The following DPH6 variants were observed in gnomAD, a reference collection of about 807,000 sequenced individuals.
DPH6 encodes diphthamine biosynthesis 6.
DPH6 carries 33 observed loss-of-function variants against 38.2 expected under a neutral mutation model. The observed-to-expected ratio is 0.86, with a 90% CI of 0.65 to 1.15. The LOEUF (loss-of-function observed/expected upper bound fraction) is 1.15, where lower values mean the gene tolerates loss of function less well. Ranked by LOEUF, DPH6 falls within the 50% of genes most tolerant of loss-of-function variation. DPH6 has a pLI of 0.00. For synonymous variants in DPH6, 108 were observed against 103.0 expected (o/e 1.05, Z -0.30); for missense variants, 325 against 320.0 (o/e 1.02, Z -0.12).
At position 35,377,602 on chromosome 15, in the gene DPH6, G is replaced by T. The variant is rs112779128; in HGVS notation, c.663-3994C>A. Among the ~76,000 whole-genome samples, 517 of 152,144 alleles carry T rather than the reference G, an allele frequency of 3.4e-3. 2 individuals carry two copies. The highest frequency in any genetic ancestry group is 0.012 in the African/African-American group (478 of 41,524). On this transcript the variant is annotated intron_variant, in intron 7 of 8. Transcript: ENST00000256538. ...ATTATCCTTTTCTCTTAAAAGCTAGGCTATAATTCTTCTCAGGAGGGCTTC... is the reference window on the plus strand; with the variant it reads ...ATTATCCTTTTCTCTTAAAAGCTAGTCTATAATTCTTCTCAGGAGGGCTTC...
At chr15:35,308,011 C>T (rs941000675) in intron 3 of DPH6, among the ~76,000 whole-genome samples, 5 of 152,154 alleles carry the variant, frequency 3.3e-5, no homozygotes, top group East Asian at 1.9e-4. Flanking sequence ...GTGGCTCACA[C>T]CTGTAATCCC....
chr15:35,446,754 G>A (rs1015756985), intron 5 of DPH6, among the ~76,000 whole-genome samples: 1 of 152,050 alleles, frequency 6.6e-6, no homozygotes, highest in Non-Finnish European at 1.5e-5. Context: ...TAGTTCAAGG[G>A]ACAACTGGAT....
intron 3 of DPH6, among the ~76,000 whole-genome samples, chr15:35,525,683 T>C (rs1445545337): frequency 6.6e-6 from 1 of 151,800 alleles, no homozygotes; most frequent in Non-Finnish European, 1.5e-5. Context: ...ACAAAAAAAA[T>C]ACAAAAATTA....
At chr15:35,195,440 G>T in the DPH6 span, among the ~76,000 whole-genome samples, 1 of 152,054 alleles carries the variant, frequency 6.6e-6, no homozygotes, top group Non-Finnish European at 1.5e-5. Flanking sequence ...CAAAACTTTG[G>T]GTGAAAAGAT....
rs756436280 is a variant in DPH6, at chr15:35,372,144, C to T, written c.*6G>A. 6.6e-7 allele frequency: 1 copy of T among 1,517,388 alleles called. No individual in the cohort carries two copies. Among genetic ancestry groups the T allele is most frequent in the South Asian group, 1.3e-5 (1 of 75,700 alleles). The allele number at this position is 1,517,388 out of a possible 1,614,324, so 94.0% of individuals were successfully genotyped here. A position where few individuals can be genotyped will look rare whatever the true frequency, so the allele number is the denominator to read the frequency against. ...TGGTTTAATGAACAATGTTCCAAAACACTTTTCAAAAATTATATATATAAT... is the reference window on the plus strand; with the variant it reads ...TGGTTTAATGAACAATGTTCCAAAATACTTTTCAAAAATTATATATATAAT... On this transcript the variant is annotated 3_prime_UTR_variant, in exon 9 of 9. Transcript: ENST00000256538.
the DPH6 span, among the ~76,000 whole-genome samples, chr15:35,203,859 A>C: frequency 6.6e-6 from 1 of 151,722 alleles, no homozygotes; most frequent in African/African-American, 2.4e-5. Context: ...ATTTTTGTTA[A>C]TGTCAGCCAT....
chr15:35,444,067 A>T (rs1295705183), intron 5 of DPH6, among the ~76,000 whole-genome samples: 1 of 152,182 alleles, frequency 6.6e-6, no homozygotes, highest in African/African-American at 2.4e-5. Context: ...TCTGGCCCAG[A>T]TTGGCACATG....
intron 3 of DPH6, among the ~76,000 whole-genome samples, chr15:35,307,081 A>C (rs923762317): frequency 6.6e-6 from 1 of 152,188 alleles, no homozygotes; most frequent in African/African-American, 2.4e-5. Flanking sequence ...AAGTCATTTA[A>C]AAAGCTGTAA....
the DPH6 span, among the ~76,000 whole-genome samples, chr15:35,203,983 T>C: frequency 1.3e-5 from 2 of 151,756 alleles, no homozygotes; most frequent in African/African-American, 2.4e-5. Context: ...CAATTAACAG[T>C]TCCTTGACAA....
chr15:35,221,196 C>T (rs981481347), intron 3 of DPH6, among the ~76,000 whole-genome samples: 3 of 152,232 alleles, frequency 2.0e-5, no homozygotes, highest in Non-Finnish European at 4.4e-5. Flanking sequence ...CCCTAGGCCT[C>T]AGGCAGTCCC....
intron 3 of DPH6, among the ~76,000 whole-genome samples, chr15:35,308,824 T>G (rs1355054819): frequency 6.6e-6 from 1 of 152,230 alleles, no homozygotes; most frequent in Non-Finnish European, 1.5e-5. Flanking sequence ...AAATATATGC[T>G]TATCTGAAAG....
chr15:35,199,173 G>A, the DPH6 span, among the ~76,000 whole-genome samples: 3 of 152,122 alleles, frequency 2.0e-5, no homozygotes, highest in African/African-American at 4.8e-5. Context: ...TCAGCCTCCC[G>A]AAGTGCTGGG....
chr15:35,475,691 T>C (rs1292634810), intron 3 of DPH6, among the ~76,000 whole-genome samples: 4 of 151,782 alleles, frequency 2.6e-5, no homozygotes, highest in Non-Finnish European at 5.9e-5. Flanking sequence ...TTGTATTACA[T>C]TAATAGTTTA....
chr15:35,182,179 C>T, the DPH6 span, among the ~76,000 whole-genome samples: 5 of 126,150 alleles, frequency 4.0e-5, no homozygotes, highest in Middle Eastern at 0.015. Context: ...AGTATAATAA[C>T]ATAAGAAAAT....
rs139330319 is a variant in DPH6, at chr15:35,373,607, C to A, written c.664G>T (p.Asp222Tyr). ...GAATGTATGACTACTTCTGATGAAT[C>A]CCTGAAATACAAAAATTTTACAATA... ...CPLFKKKIIVDSSEVVIHSAD... is the reference protein window; with the variant it reads ...CPLFKKKIIVYSSEVVIHSAD... Residue 222 changes from aspartate to tyrosine, a missense_variant and splice_region_variant, in exon 8 of 9, where the codon GAT becomes TAT. Asp to Tyr is a radical substitution (Grantham distance 160, BLOSUM62 -3). Transcript: ENST00000256538. 2 of 1,601,460 alleles carry A rather than the reference C, an allele frequency of 1.2e-6. No homozygotes were observed. Among genetic ancestry groups the A allele is most frequent in the African/African-American group, 1.3e-5 (1 of 74,220 alleles).
intron 5 of DPH6, among the ~76,000 whole-genome samples, chr15:35,439,676 G>T (rs7175065): frequency 0.88 from 133,083 of 152,064 alleles, 58,737 homozygotes; most frequent in East Asian, 1. Context: ...AATGTCACTT[G>T]CTAACAGGTC....
intron 3 of DPH6, among the ~76,000 whole-genome samples, chr15:35,346,318 T>C (rs945636192): frequency 6.6e-6 from 1 of 152,066 alleles, no homozygotes; most frequent in African/African-American, 2.4e-5. Context: ...AGGTACTTAG[T>C]AATAGATTTA....
chr15:35,256,715 G>A lies in DPH6; in HGVS notation n.201-36133C>T, dbSNP rs535568604. ...CTGCAGGACTGTAGGGTGGGTCCAC[G>A]AGGGATCCATTTACAAGAGATGAGG... On this transcript the variant is annotated intron_variant and non_coding_transcript_variant, in intron 3 of 3. Transcript: ENST00000560386. Among the ~76,000 whole-genome samples the A allele has an allele frequency of 2.0e-5, 3 of 152,284 alleles. No homozygotes were observed. The South Asian group carries it at 6.2e-4, about 32-fold the overall frequency.
At chr15:35,227,029 G>A (rs908795633) in intron 3 of DPH6, among the ~76,000 whole-genome samples, 2 of 151,954 alleles carry the variant, frequency 1.3e-5, no homozygotes, top group Non-Finnish European at 2.9e-5. Context: ...TCAGGTTTTG[G>A]ATTTCTTCCT....
Sources: gnomAD v4.1 joint callset for allele counts (sites outside exome capture counted in the v4.1 genomes callset) on GRCh38, gnomAD v4.1.1 for gene constraint, MANE v1.5 for transcripts, NCBI Gene and HGNC (gene_info 2026-07-23, HGNC 2026-07-21) for gene names.